INPP5F: variants seen among roughly 807,000 people sequenced by gnomAD.
INPP5F encodes inositol polyphosphate-5-phosphatase F.
INPP5F carries 97 observed loss-of-function variants against 137.2 expected under a neutral mutation model. The ratio of observed to expected loss-of-function variants is 0.71; its 90% confidence interval spans 0.60 to 0.84. The LOEUF is 0.84. Among genes scored for constraint, INPP5F ranks in the 40% least tolerant of loss-of-function variants. INPP5F has a pLI of 0.00. For missense variants in INPP5F, 1,271 were observed against 1,371.9 expected, an observed-to-expected ratio of 0.93 and a Z score of 1.16; for synonymous variants, 504 against 476.9, an observed-to-expected ratio of 1.06 and a Z score of -0.74.
At chr10:119,777,387 G>A (rs947926640) in intron 2 of INPP5F, among the ~76,000 whole-genome samples, 6 of 152,140 alleles carry the variant, frequency 3.9e-5, no homozygotes, top group Admixed American at 6.5e-5. Flanking sequence ...TTAGCCAGGC[G>A]TGGTGGCGGG....
intron 3 of INPP5F, among the ~76,000 whole-genome samples, chr10:119,788,717 A>AGGG (rs1850014553): frequency 6.6e-6 from 1 of 152,196 alleles, no homozygotes; most frequent in Admixed American, 6.5e-5. Context: ...GGTGCTAGGA[A>AGGG]GGGGGCTATT....
intron 3 of INPP5F, among the ~76,000 whole-genome samples, chr10:119,789,903 A>G (rs1464608133): frequency 6.6e-6 from 1 of 151,856 alleles, no homozygotes; most frequent in African/African-American, 2.4e-5. Context: ...GGAAGGAGCC[A>G]GGTGAAGCCG....
chr10:119,789,460 C>T (rs1045072888), intron 3 of INPP5F, among the ~76,000 whole-genome samples: 2 of 152,118 alleles, frequency 1.3e-5, no homozygotes, highest in African/African-American at 4.8e-5. Context: ...AACTGCTGCT[C>T]TGCTGCCCCA....
chr10:119,780,181 T>G (rs1849656589), intron 2 of INPP5F, among the ~76,000 whole-genome samples: 1 of 152,204 alleles, frequency 6.6e-6, no homozygotes, highest in Non-Finnish European at 1.5e-5. Context: ...TGAAACATCA[T>G]TATGTGGTAT....
intron 2 of INPP5F, among the ~76,000 whole-genome samples, chr10:119,775,944 A>G (rs948932076): frequency 6.6e-6 from 1 of 152,192 alleles, no homozygotes; most frequent in Non-Finnish European, 1.5e-5. Context: ...GCCTGGTGAT[A>G]CTTATAGTAG....
intron 15 of INPP5F, chr10:119,818,824 TCA>T (rs1257813146): frequency 6.6e-6 from 1 of 152,292 alleles, no homozygotes; most frequent in Non-Finnish European, 1.5e-5. Context: ...TGCCGCGCTC[TCA>T]CAGGCCTCCG....
At chr10:119,749,593 G>A (rs1848634876) in intron 1 of INPP5F, among the ~76,000 whole-genome samples, 1 of 152,188 alleles carries the variant, frequency 6.6e-6, no homozygotes, top group South Asian at 2.1e-4. Context: ...CAGGGGCTAA[G>A]CGTCAGGCTG....
intron 12 of INPP5F, 106 bp from the exon 13 acceptor site, chr10:119,807,826 A>AG (rs748542658): frequency 5.8e-6 from 6 of 1,041,436 alleles, no homozygotes; most frequent in Non-Finnish European, 8.2e-6. Flanking sequence ...CTCTTATTTA[A>AG]GGGTCCTAAA....
At chr10:119,799,668 A>G (rs1850514264) in intron 9 of INPP5F, among the ~76,000 whole-genome samples, 1 of 152,224 alleles carries the variant, frequency 6.6e-6, no homozygotes, top group Non-Finnish European at 1.5e-5. Context: ...TTTTGAAGGT[A>G]TTATCAATTA....
At chr10:119,751,352 G>A (rs940896932) in intron 2 of INPP5F, among the ~76,000 whole-genome samples, 196 bp downstream of exon 2, 2 of 152,184 alleles carry the variant, frequency 1.3e-5, no homozygotes, top group African/African-American at 4.8e-5. Context: ...GGAAAGACAG[G>A]TATCAAAGAG....
rs895834516 is a variant in INPP5F at position 119,776,629 on chromosome 10, G to C, written c.179-5006G>C. 2.6e-5 allele frequency among the ~76,000 whole-genome samples: 4 copies of C among 151,810 alleles called. No individual in the cohort carries two copies. The East Asian group carries it at 7.7e-4, about 29-fold the overall frequency. ...ATGAAATGAATCCAGAGCAAATCAG[G>C]GCAAGAAGATGTAAACTAGGAAGGG... On this transcript the variant is annotated intron_variant, in intron 2 of 19. Coordinates refer to ENST00000650623, the MANE Select transcript of INPP5F (RefSeq NM_014937.4).
chr10:119,741,516 A>G (rs1402766009), intron 1 of INPP5F, among the ~76,000 whole-genome samples: 1 of 151,850 alleles, frequency 6.6e-6, no homozygotes, highest in Non-Finnish European at 1.5e-5. Context: ...ACAGCTTTTT[A>G]TTTTTATTTA....
At chr10:119,777,991 C>T (rs1849580392) in intron 2 of INPP5F, among the ~76,000 whole-genome samples, 1 of 151,918 alleles carries the variant, frequency 6.6e-6, no homozygotes, top group Admixed American at 6.6e-5. Context: ...TATTATATAT[C>T]CTTTTTATTT....
Position 119,819,612 on chromosome 10 carries a change from C to T in INPP5F, c.1887-1234C>T, listed in dbSNP as rs139047752. The stretch of plus-strand genomic sequence containing the variant: ...TTATTCTCTATGAAGCTGTCTGGAT[C>T]GGTCTCCTTTTCCCATTGGTTAATT... On this transcript the variant is annotated intron_variant, in intron 15 of 19. Coordinates refer to ENST00000650623, the MANE Select transcript of INPP5F (RefSeq NM_014937.4). 2.1e-5 allele frequency: 26 copies of T among 1,243,298 alleles called. No individual in the cohort carries two copies. The East Asian group carries it at 4.8e-4, about 23-fold the overall frequency. The allele number at this position is 1,243,298 out of a possible 1,614,324, so 77.0% of individuals were successfully genotyped here. A position where few individuals can be genotyped will look rare whatever the true frequency, so the allele number is the denominator to read the frequency against.
At chr10:119,821,337 C>CGTGTGT (rs3067616) in intron 16 of INPP5F, among the ~76,000 whole-genome samples, 1,503 of 150,038 alleles carry the variant, frequency 0.01, 23 homozygotes, top group African/African-American at 0.034. Context: ...TATGCAATAA[C>CGTGTGT]GTGTGTGTGT....
At chr10:119,739,616 AGTCT>A (rs1409813351) in intron 1 of INPP5F, among the ~76,000 whole-genome samples, 2 of 152,136 alleles carry the variant, frequency 1.3e-5, no homozygotes, top group Non-Finnish European at 2.9e-5. Flanking sequence ...CAGACTTAAT[AGTCT>A]GTCTGTATTT....
chr10:119,795,964 G>A (rs1257983996), intron 6 of INPP5F, among the ~76,000 whole-genome samples: 1 of 152,018 alleles, frequency 6.6e-6, no homozygotes, highest in East Asian at 1.9e-4. Flanking sequence ...TGCAATCGCA[G>A]GCACTCGGCA....
intron 1 of INPP5F, among the ~76,000 whole-genome samples, chr10:119,749,640 G>A (rs190524595): frequency 6.6e-6 from 1 of 152,286 alleles, no homozygotes; most frequent in Admixed American, 6.5e-5. Context: ...CCGATCCATT[G>A]TATGACCTGA....
intron 1 of INPP5F, among the ~76,000 whole-genome samples, chr10:119,744,303 C>T (rs1848463480): frequency 6.6e-6 from 1 of 152,180 alleles, no homozygotes; most frequent in South Asian, 2.1e-4. Context: ...GCCTCCAGTG[C>T]CCCATTATCC....
Sources: allele counts gnomAD v4.1 joint callset (sites outside exome capture counted in the v4.1 genomes callset), GRCh38; gene constraint gnomAD v4.1.1; transcripts MANE v1.5; gene names NCBI Gene and HGNC (gene_info 2026-07-23, HGNC 2026-07-21).